Variants in RGPD3 observed in about 807,000 individuals in gnomAD.
The protein encoded by RGPD3 is ranBP2-like and GRIP domain-containing protein 3.
A neutral mutation model predicts 154.5 loss-of-function variants in RGPD3; 62 were observed. The observed-to-expected ratio is 0.40, with a 90% CI of 0.33 to 0.50. The LOEUF is 0.50. Ranked by LOEUF, RGPD3 falls within the 20% of genes least tolerant of loss-of-function variation. The probability of loss-of-function intolerance (pLI) is 0.59; values close to 1 mark genes in which losing one functional copy is unlikely to be tolerated. For missense variants in RGPD3, 919 were observed against 1,716.8 expected (o/e 0.54, Z 8.21); for synonymous variants, 308 against 607.0 (o/e 0.51, Z 7.24).
At chr2:106,413,703 C>G (rs1676740458) in intron 21 of RGPD3, among the ~76,000 whole-genome samples, 1 of 152,060 alleles carries the variant, frequency 6.6e-6, no homozygotes, top group Admixed American at 6.5e-5. Flanking sequence ...TCACGAGAAA[C>G]AGATGAAGAG....
chr2:106,416,132 C>A, intron 20 of RGPD3, 143 bp from the exon 21 acceptor site: 3 of 1,360,924 alleles, frequency 2.2e-6, no homozygotes, highest in African/African-American at 1.5e-5. Context: ...ATTCGGCATA[C>A]CTCAATCAAC....
Position 106,466,783 on chromosome 2 carries a change from G to A in RGPD3, c.72+1434C>T, listed in dbSNP as rs1473055760. Reference sequence around the variant, plus strand: ...CGGGAGCCATGACGCCTGAGCCATCGAGGCCGCCGCAGGGCCGGGTCGAGG... The same window carrying A: ...CGGGAGCCATGACGCCTGAGCCATCAAGGCCGCCGCAGGGCCGGGTCGAGG... On this transcript the variant is annotated intron_variant, in intron 1 of 22. Coordinates refer to ENST00000409886, the MANE Select transcript of RGPD3 (RefSeq NM_001144013.2). Among the ~76,000 whole-genome samples the A allele has an allele frequency of 7.2e-5, 5 of 69,894 alleles. 1 individual carries two copies. Among genetic ancestry groups the A allele is most frequent in the Admixed American group, 1.4e-4 (1 of 7,028 alleles). The allele number at this position is 69,894 out of a possible 152,430, so 45.9% of individuals were successfully genotyped here. A position where few individuals can be genotyped will look rare whatever the true frequency, so the allele number is the denominator to read the frequency against.
At chr2:106,468,797 C>A, upstream of RGPD3, among the ~76,000 whole-genome samples, 1 of 86,894 alleles carries the variant, frequency 1.2e-5, no homozygotes, top group Non-Finnish European at 2.0e-5. Flanking sequence ...CAGGGCAAGA[C>A]TCCATCTCAA....
chr2:106,466,393 C>G (rs1678592666), intron 1 of RGPD3, among the ~76,000 whole-genome samples: 1 of 146,764 alleles, frequency 6.8e-6, no homozygotes, highest in South Asian at 2.2e-4. Context: ...ACCGCCTCAA[C>G]AGAGCGCGCC....
chr2:106,445,267 C>T (rs1421552393), intron 7 of RGPD3, among the ~76,000 whole-genome samples: 19 of 147,806 alleles, frequency 1.3e-4, no homozygotes, highest in South Asian at 1.1e-3. Flanking sequence ...CCAGCCTGGG[C>T]GACAGAGTGA....
intron 1 of RGPD3, among the ~76,000 whole-genome samples, chr2:106,461,163 AG>A (rs1678393612): frequency 8.8e-6 from 1 of 113,654 alleles, no homozygotes; most frequent in South Asian, 3.8e-4. Context: ...CATGGACAAA[AG>A]ATTTGTTCTT....
intron 1 of RGPD3, among the ~76,000 whole-genome samples, chr2:106,461,692 G>T (rs541590146): frequency 6.6e-6 from 1 of 151,342 alleles, no homozygotes; most frequent in East Asian, 2.0e-4. Flanking sequence ...ATTTACAATC[G>T]CATCTAAATG....
chr2:106,466,211 G>C (rs1321671178), intron 1 of RGPD3, among the ~76,000 whole-genome samples: 1 of 152,154 alleles, frequency 6.6e-6, no homozygotes. Flanking sequence ...GGCGCCAACG[G>C]TCTCCCGCCC....
intron 8 of RGPD3, among the ~76,000 whole-genome samples, chr2:106,440,274 G>C (rs1325703302): frequency 5.5e-5 from 6 of 109,860 alleles, no homozygotes; most frequent in African/African-American, 2.2e-4. Flanking sequence ...GAAGCGTATG[G>C]TATACGAATT....
At chr2:106,439,885 T>G (rs1178351985) in intron 8 of RGPD3, among the ~76,000 whole-genome samples, 2 of 140,922 alleles carry the variant, frequency 1.4e-5, no homozygotes, top group African/African-American at 5.1e-5. Context: ...AAAAAAAGAA[T>G]TATTTCCAGG....
chr2:106,468,625 G>A (rs1479331944), upstream of RGPD3, among the ~76,000 whole-genome samples: 9 of 152,010 alleles, frequency 5.9e-5, no homozygotes, highest in African/African-American at 2.2e-4. Context: ...GGCCAACATG[G>A]TGAAAGCCCA....
rs989914351 is a variant in RGPD3, at chr2:106,409,683, A to C, written c.5266+3401T>G. Among the ~76,000 whole-genome samples the C allele has an allele frequency of 2.6e-5, 4 of 151,120 alleles. No homozygotes were observed. In the East Asian group the frequency reaches 7.8e-4, roughly 30 times the overall value. On this transcript the variant is annotated intron_variant, in intron 22 of 22. Coordinates refer to ENST00000409886, the MANE Select transcript of RGPD3 (RefSeq NM_001144013.2). ...TTTTATTGGGTTTTTGAATCTGTGG[A>C]TAGATATCCTTCAACAGTTCTGAAA...
intron 22 of RGPD3, among the ~76,000 whole-genome samples, chr2:106,410,625 G>A (rs894253008): frequency 8.5e-5 from 13 of 152,150 alleles, no homozygotes; most frequent in South Asian, 2.1e-4. Flanking sequence ...AAATGCAAAC[G>A]TTCTTAAAGT....
chr2:106,430,008 C>T (rs1677320216), intron 17 of RGPD3, among the ~76,000 whole-genome samples: 1 of 152,162 alleles, frequency 6.6e-6, no homozygotes, highest in Non-Finnish European at 1.5e-5. Flanking sequence ...CTCAGCCTCC[C>T]AACTAGCTGG....
At chr2:106,468,428 C>T, upstream of RGPD3, 1 of 1,496,578 alleles carries the variant, frequency 6.7e-7, no homozygotes, top group Non-Finnish European at 9.0e-7. Flanking sequence ...AACTTGTGTC[C>T]TGCGTCAACA....
chr2:106,437,749 A>G (rs1249879118), intron 9 of RGPD3, among the ~76,000 whole-genome samples: 2 of 151,954 alleles, frequency 1.3e-5, no homozygotes, highest in African/African-American at 2.4e-5. Context: ...TGGATGCCCA[A>G]TAACAGAAAG....
At chr2:106,464,871 T>G (rs1322350328) in intron 1 of RGPD3, among the ~76,000 whole-genome samples, 2 of 150,512 alleles carry the variant, frequency 1.3e-5, no homozygotes, top group African/African-American at 4.9e-5. Flanking sequence ...CTACAGGCGC[T>G]GCCACCACGC....
chr2:106,467,828 G>T (rs1394838998), intron 1 of RGPD3, among the ~76,000 whole-genome samples: 1 of 139,014 alleles, frequency 7.2e-6, no homozygotes, highest in African/African-American at 2.8e-5. Flanking sequence ...AACAGAGCGC[G>T]CCAGGGAGCA....
At position 106,425,202 on chromosome 2, in the gene RGPD3, CCATCAG is replaced by C. The variant is rs1677159773; in HGVS notation, c.2759_2764del (p.Ala920_Asp921del). On this transcript the variant is annotated inframe_deletion, in exon 20 of 23. Coordinates refer to ENST00000409886, the MANE Select transcript of RGPD3 (RefSeq NM_001144013.2). ...TGGTTCCGAAATGCCAAATTTAAAT[CCATCAG>C]CAGACACAGGGATGGAAAATCCTTC... 6.2e-7 allele frequency: 1 copy of C among 1,611,546 alleles called. No individual in the cohort carries two copies. The highest frequency in any genetic ancestry group is 1.3e-5 in the African/African-American group (1 of 74,750).
Sources: gnomAD v4.1 joint callset for allele counts (sites outside exome capture counted in the v4.1 genomes callset) on GRCh38, gnomAD v4.1.1 for gene constraint, MANE v1.5 for transcripts, NCBI Gene and HGNC (gene_info 2026-07-23, HGNC 2026-07-21) for gene names.